LRRC74A: variants seen among roughly 807,000 people sequenced by gnomAD.
LRRC74A encodes the protein leucine-rich repeat-containing protein 74A.
Under a neutral mutation model 57.9 loss-of-function variants are expected in LRRC74A, and 44 were observed. The ratio of observed to expected loss-of-function variants is 0.76; its 90% CI spans 0.60 to 0.98. The LOEUF (loss-of-function observed/expected upper bound fraction) is 0.98, where lower values mean the gene tolerates loss of function less well. Among genes scored for constraint, LRRC74A ranks in the 50% least tolerant of loss-of-function variants. The pLI is 0.00. For synonymous variants in LRRC74A, 211 were observed against 219.4 expected (o/e 0.96, Z 0.34); for missense variants, 572 against 574.0 (o/e 1.00, Z 0.04).
chr14:76,856,555 A>G (rs1897891864), intron 9 of LRRC74A, among the ~76,000 whole-genome samples: 1 of 117,886 alleles, frequency 8.5e-6, no homozygotes, highest in Non-Finnish European at 1.8e-5. Flanking sequence ...TGGATGGATG[A>G]GCGGTGAGAT....
chr14:76,837,942 GTTC>G lies in LRRC74A; in HGVS notation c.520_522del (p.Ser174del). Reference sequence around the variant, plus strand: ...ATCTCAGATTTCTTTGAGAGAAACAGTTCTTCTATCTGGAGCCTTGAGCTTTCA... The same window carrying G: ...ATCTCAGATTTCTTTGAGAGAAACAGTTCTATCTGGAGCCTTGAGCTTTCA... On this transcript the variant is annotated inframe_deletion, in exon 5 of 14. Coordinates refer to ENST00000689127, the MANE Select transcript of LRRC74A (RefSeq NM_001385106.1). The G allele has an allele frequency of 6.3e-7, 1 of 1,583,248 alleles. No homozygotes were observed. Among genetic ancestry groups the G allele is most frequent in the Non-Finnish European group, 8.6e-7 (1 of 1,163,020 alleles).
At chr14:76,827,449 T>C (rs761710963) in intron 1 of LRRC74A, among the ~76,000 whole-genome samples, 2 of 152,268 alleles carry the variant, frequency 1.3e-5, no homozygotes, top group Admixed American at 6.5e-5. Context: ...TTCAGAGGCA[T>C]GGCATGGCTT....
In LRRC74A at chr14:76,844,452, C is replaced by G. The variant is rs1595365320; in HGVS notation, c.574C>G (p.Leu192Val). The part of the protein sequence containing the change: ...GNDFKEDSAA[L>V]LCQALSTNYQ... The stretch of plus-strand genomic sequence containing the variant: ...TGACTTCAAGGAAGACTCCGCAGCA[C>G]TGCTCTGCCAAGCCCTGTCGGTAAG... The change falls in exon 6 of 14, where the codon CTG becomes GTG. Residue 192 changes from leucine (L) to valine (V), a missense_variant. Coordinates refer to ENST00000689127, the MANE Select transcript of LRRC74A (RefSeq NM_001385106.1). 2 of 1,612,536 alleles carry G rather than the reference C, an allele frequency of 1.2e-6. No homozygotes were observed. The highest frequency in any genetic ancestry group is 4.5e-5 in the East Asian group (2 of 44,828).
At chr14:76,860,081 A>C (rs1354755646) in intron 10 of LRRC74A, among the ~76,000 whole-genome samples, 1 of 152,200 alleles carries the variant, frequency 6.6e-6, no homozygotes, top group Admixed American at 6.5e-5. Context: ...AATCTCTACA[A>C]AGCCTTCTGC....
Position 76,844,895 on chromosome 14 carries a change from A to G in LRRC74A, c.670A>G (p.Met224Val). ...SDVGGEHLGQ[M>V]LAINVGLTSL... ...TGTAGGAGGGGAGCACCTGGGCCAG[A>G]TGCTGGGTGAGTCTCCCTGGAGGAA... The change falls in exon 7 of 14, where the codon ATG becomes GTG. Residue 224 changes from methionine to valine, a missense_variant. Coordinates refer to ENST00000689127, the MANE Select transcript of LRRC74A (RefSeq NM_001385106.1). 1.9e-6 allele frequency: 3 copies of G among 1,552,006 alleles called. No homozygotes were observed. Among genetic ancestry groups the G allele is most frequent in the African/African-American group, 1.4e-5 (1 of 73,676 alleles).
Position 76,828,387 on chromosome 14 carries a change from G to A in LRRC74A, c.134G>A (p.Arg45Gln), listed in dbSNP as rs745363240. The A allele has an allele frequency of 1.4e-5, 23 of 1,613,878 alleles. No individual in the cohort carries two copies. Among genetic ancestry groups the A allele is most frequent in the African/African-American group, 4.0e-5 (3 of 74,932 alleles). ...ACTGTTGAAAAAGTGAAACCAGCCCGGGAGAATTCGGAAACAGACCTGGAG... is the reference window on the plus strand; with the variant it reads ...ACTGTTGAAAAAGTGAAACCAGCCCAGGAGAATTCGGAAACAGACCTGGAG... ...PPTVEKVKPARENSETDLEIE... is the reference protein window; with the variant it reads ...PPTVEKVKPAQENSETDLEIE... The change falls in exon 2 of 14, where the codon CGG (arginine) becomes CAG (glutamine). Residue 45 changes from arginine to glutamine, a missense_variant. Transcript: ENST00000689127.
At chr14:76,848,694 A>C (rs1030318062) in intron 7 of LRRC74A, among the ~76,000 whole-genome samples, 14 of 152,222 alleles carry the variant, frequency 9.2e-5, no homozygotes, top group Non-Finnish European at 1.9e-4. Flanking sequence ...GTCCAAGGAG[A>C]GTTCTTAAGG....
chr14:76,860,980 C>T (rs1016307616), intron 11 of LRRC74A, 141 bp downstream of exon 11: 1 of 770,722 alleles, frequency 1.3e-6, no homozygotes, highest in Non-Finnish European at 2.0e-6. Context: ...GTCCCTTGGA[C>T]AGCAGACATG....
At chr14:76,869,666 G>A (rs1275147282) in intron 13 of LRRC74A, among the ~76,000 whole-genome samples, 1 of 151,852 alleles carries the variant, frequency 6.6e-6, no homozygotes, top group South Asian at 2.1e-4. Flanking sequence ...GGAGGCTGAG[G>A]CAGGAGAATT....
intron 11 of LRRC74A, among the ~76,000 whole-genome samples, chr14:76,863,726 C>A (rs746915662): frequency 6.6e-6 from 1 of 152,206 alleles, no homozygotes; most frequent in African/African-American, 2.4e-5. Context: ...AGGCTAAGCA[C>A]ACGGGGGTTT....
At chr14:76,838,610 G>A in intron 5 of LRRC74A, among the ~76,000 whole-genome samples, 1 of 152,158 alleles carries the variant, frequency 6.6e-6, no homozygotes, top group South Asian at 2.1e-4. Context: ...CATGTTCCCT[G>A]AATTGATAAA....
intron 10 of LRRC74A, among the ~76,000 whole-genome samples, chr14:76,859,244 G>C (rs1283126055): frequency 6.6e-6 from 1 of 152,050 alleles, no homozygotes; most frequent in African/African-American, 2.4e-5. Context: ...GAGAACATTA[G>C]AAATGTTCTC....
In LRRC74A at chr14:76,831,204, T is replaced by TG. The variant is rs780668242; in HGVS notation, c.169dup (p.Asp57GlyfsTer2). On this transcript the variant is annotated frameshift_variant and splice_region_variant, in exon 3 of 14. Coordinates refer to ENST00000689127, the MANE Select transcript of LRRC74A (RefSeq NM_001385106.1). LOFTEE classifies it high-confidence loss of function. Reference sequence around the variant, plus strand: ...ACTTCAGCCCATCTTTCTCTGCAGATGATGAGAAATTTTTCACCACTGGAC... The same window carrying TG: ...ACTTCAGCCCATCTTTCTCTGCAGATGGATGAGAAATTTTTCACCACTGGAC... 1 of 1,613,858 alleles carries TG rather than the reference T, an allele frequency of 6.2e-7. No individual in the cohort carries two copies. The highest frequency in any genetic ancestry group is 1.7e-5 in the Admixed American group (1 of 60,016).
chr14:76,828,227 A>C, intron 1 of LRRC74A, 64 bp from the exon 2 acceptor site: 1 of 1,532,966 alleles, frequency 6.5e-7, no homozygotes, highest in Non-Finnish European at 8.8e-7. Flanking sequence ...CGGCAGCGGC[A>C]GGCTTTATTG....
chr14:76,831,852 C>A (rs1046102862), intron 3 of LRRC74A, among the ~76,000 whole-genome samples: 1 of 152,056 alleles, frequency 6.6e-6, no homozygotes, highest in African/African-American at 2.4e-5. Context: ...CAAGTTTTCC[C>A]ACAGAAATAG....
Position 76,853,316 on chromosome 14 carries a change from T to C in LRRC74A, c.863T>C (p.Val288Ala), listed in dbSNP as rs1421605472. 3.7e-6 allele frequency: 6 copies of C among 1,613,328 alleles called. No homozygotes were observed. The highest frequency in any genetic ancestry group is 3.4e-6 in the Non-Finnish European group (4 of 1,179,548). The change falls in exon 9 of 14, where the codon GTC becomes GCC. Residue 288 changes from valine to alanine, a missense_variant. Val to Ala is a moderately conservative substitution (Grantham distance 64). Transcript: ENST00000689127. ...GTCCTCCGACTCAACCGCTGCCTGG[T>C]CTACCTGGATATCGGTGGCAATGAC... ...GEVLRLNRCL[V>A]YLDIGGNDIG...
At chr14:76,853,521 T>G in intron 9 of LRRC74A, 111 bp downstream of exon 9, 1 of 1,008,956 alleles carries the variant, frequency 9.9e-7, no homozygotes, top group African/African-American at 1.7e-5. Context: ...TAATTGGGAA[T>G]ATCTGTACTT....
chr14:76,866,080 G>A lies in LRRC74A; in HGVS notation c.1308+5G>A. 1 of 1,524,494 alleles carries A rather than the reference G, an allele frequency of 6.6e-7. No individual in the cohort carries two copies. Among genetic ancestry groups the A allele is most frequent in the Non-Finnish European group, 9.0e-7 (1 of 1,108,462 alleles). The allele number at this position is 1,524,494 out of a possible 1,614,324, so 94.4% of individuals were successfully genotyped here. A position where few individuals can be genotyped will look rare whatever the true frequency, so the allele number is the denominator to read the frequency against. ...TTCCAGAAAGTGATGATAGAGGTGT[G>A]CTGGGTCCTAGTGGCAACAGGCTGT... is the stretch of plus-strand genomic sequence containing the variant. On this transcript the variant is annotated splice_donor_5th_base_variant and intron_variant, in intron 12 of 13. Transcript: ENST00000689127.
chr14:76,848,802 A>C (rs1897261297), intron 7 of LRRC74A, among the ~76,000 whole-genome samples: 1 of 152,200 alleles, frequency 6.6e-6, no homozygotes, highest in African/African-American at 2.4e-5. Flanking sequence ...GCTGCAGGCA[A>C]TAGAGTCCAG....
Sources: gnomAD v4.1 joint callset for allele counts (sites outside exome capture counted in the v4.1 genomes callset) on GRCh38, gnomAD v4.1.1 for gene constraint, MANE v1.5 for transcripts, NCBI Gene and HGNC (gene_info 2026-07-23, HGNC 2026-07-21) for gene names.